NOS1AP: variants seen among roughly 807,000 people sequenced by gnomAD.
NOS1AP encodes the protein carboxyl-terminal PDZ ligand of neuronal nitric oxide synthase protein.
A neutral mutation model predicts 56.2 loss-of-function variants in NOS1AP; 21 were observed. The observed-to-expected ratio is 0.37, with a 90% confidence interval of 0.26 to 0.54. NOS1AP has a LOEUF of 0.54. Among genes scored for constraint, NOS1AP ranks in the 20% least tolerant of loss-of-function variants. NOS1AP has a pLI of 0.84. For synonymous variants in NOS1AP, 270 were observed against 274.6 expected, an observed-to-expected ratio of 0.98 and a Z score of 0.17; for missense variants, 522 against 657.8, an observed-to-expected ratio of 0.79 and a Z score of 2.26.
intron 1 of NOS1AP, among the ~76,000 whole-genome samples, chr1:162,124,085 T>C (rs1029437840): frequency 2.0e-5 from 3 of 152,228 alleles, no homozygotes; most frequent in African/African-American, 7.2e-5. Context: ...TTTAGTCTTC[T>C]TTAATGTGTA....
intron 8 of NOS1AP, among the ~76,000 whole-genome samples, chr1:162,357,528 T>G (rs991461258): frequency 6.6e-6 from 1 of 152,088 alleles, no homozygotes; most frequent in Non-Finnish European, 1.5e-5. Flanking sequence ...GATACCACTC[T>G]TAAAACAGCT....
chr1:162,080,176 A>G (rs538484310), intron 1 of NOS1AP, among the ~76,000 whole-genome samples: 14 of 152,350 alleles, frequency 9.2e-5, no homozygotes, highest in African/African-American at 3.4e-4. Flanking sequence ...CAATTTTTAT[A>G]TTCAGCATCA....
rs999870359 is a variant in NOS1AP, at chr1:162,327,927, A to G, written c.345-5090A>G. Among the ~76,000 whole-genome samples, 4 of 152,220 alleles carry G rather than the reference A, an allele frequency of 2.6e-5. No homozygotes were observed. In the East Asian group the frequency reaches 7.7e-4, roughly 29 times the overall value. On this transcript the variant is annotated intron_variant, in intron 4 of 9. Transcript: ENST00000361897. ...CTTAACATGTGTTGGGCATTGTGTA[A>G]AATGTGGTATGTGTGTTTTAATGCT... is the stretch of plus-strand genomic sequence containing the variant.
chr1:162,325,705 C>G (rs1656568047), intron 4 of NOS1AP, among the ~76,000 whole-genome samples: 1 of 152,016 alleles, frequency 6.6e-6, no homozygotes. Flanking sequence ...TCACATTGTG[C>G]TTCTTACTTT....
chr1:162,254,329 A>G (rs1653958037), intron 2 of NOS1AP, among the ~76,000 whole-genome samples: 1 of 152,222 alleles, frequency 6.6e-6, no homozygotes, highest in South Asian at 2.1e-4. Context: ...GACCAGGAGC[A>G]GTTTAGGAGG....
chr1:162,227,193 T>C (rs1458518592), intron 2 of NOS1AP, among the ~76,000 whole-genome samples: 1 of 152,226 alleles, frequency 6.6e-6, no homozygotes, highest in African/African-American at 2.4e-5. Context: ...TTTCCCCCGC[T>C]GTGCATTGAT....
intron 3 of NOS1AP, among the ~76,000 whole-genome samples, chr1:162,300,266 G>A (rs538325129): frequency 6.6e-5 from 10 of 152,210 alleles, no homozygotes; most frequent in South Asian, 2.1e-4. Flanking sequence ...TGTGTTCACT[G>A]TAAGTTAGGT....
intron 1 of NOS1AP, among the ~76,000 whole-genome samples, chr1:162,122,100 T>C (rs908534288): frequency 6.6e-6 from 1 of 152,336 alleles, no homozygotes; most frequent in South Asian, 2.1e-4. Context: ...GAAGCTCCCA[T>C]TGATTATTAT....
chr1:162,145,675 C>T (rs1347473613), intron 1 of NOS1AP, among the ~76,000 whole-genome samples: 2 of 152,146 alleles, frequency 1.3e-5, no homozygotes, highest in Admixed American at 6.5e-5. Context: ...TGGAAAGCTC[C>T]TTTGGTTCTC....
chr1:162,258,196 T>C (rs1267088546), intron 2 of NOS1AP, among the ~76,000 whole-genome samples: 2 of 152,320 alleles, frequency 1.3e-5, no homozygotes, highest in East Asian at 1.9e-4. Context: ...CTAGTCACCC[T>C]TTCATTTTAT....
intron 2 of NOS1AP, among the ~76,000 whole-genome samples, chr1:162,207,333 A>G (rs1260638891): frequency 6.6e-6 from 1 of 152,218 alleles, no homozygotes; most frequent in Non-Finnish European, 1.5e-5. Flanking sequence ...CCTCCGCTTT[A>G]GACAGCTAGG....
rs796052202 is a variant in NOS1AP at position 162,357,021 on chromosome 1, C to T, written c.824C>T (p.Ser275Phe). 1.2e-6 allele frequency: 2 copies of T among 1,614,020 alleles called. No individual in the cohort carries two copies. The highest frequency in any genetic ancestry group is 4.5e-5 in the East Asian group (2 of 44,882). The change falls in exon 8 of 10, where the codon TCC (serine) becomes TTC (phenylalanine). Residue 275 changes from serine (S) to phenylalanine (F), a missense_variant. Around this residue, in one of 4 missense-constraint regions of NOS1AP, gnomAD observed 178 missense variants for 165.0 expected, o/e 1.08. Transcript: ENST00000361897. ...CCCAGGATGCTGCTCCCTTCTTCTT[C>T]CTCGAAGCCTCCAGGCCTGGGCACA... The part of the protein sequence containing the change: ...ASPRMLLPSS[S>F]SKPPGLGTET...
chr1:162,304,543 G>A (rs181954349), intron 4 of NOS1AP, among the ~76,000 whole-genome samples: 1 of 150,804 alleles, frequency 6.6e-6, no homozygotes, highest in Admixed American at 6.7e-5. Flanking sequence ...GAGGGAATGG[G>A]GAATGCCAAA....
At chr1:162,350,036 A>G (rs552272724) in intron 6 of NOS1AP, among the ~76,000 whole-genome samples, 166 of 152,340 alleles carry the variant, frequency 1.1e-3, no homozygotes, top group Non-Finnish European at 2.0e-3. Flanking sequence ...TGCTTCTCCC[A>G]GAGCATTTTT....
intron 2 of NOS1AP, among the ~76,000 whole-genome samples, chr1:162,245,794 T>C (rs1027644440): frequency 1.3e-5 from 2 of 152,254 alleles, no homozygotes; most frequent in Non-Finnish European, 2.9e-5. Context: ...AGAATGTCTT[T>C]AAGTATTCTC....
chr1:162,101,925 C>A (rs773528917), intron 1 of NOS1AP, among the ~76,000 whole-genome samples: 1 of 152,106 alleles, frequency 6.6e-6, no homozygotes, highest in Non-Finnish European at 1.5e-5. Context: ...ATTCGAATCC[C>A]CTTTATTTCT....
chr1:162,353,049 C>T (rs1481309106), intron 6 of NOS1AP, among the ~76,000 whole-genome samples: 1 of 150,940 alleles, frequency 6.6e-6, no homozygotes, highest in Non-Finnish European at 1.5e-5. Context: ...CCGCCCCCAC[C>T]ACAGACAAGC....
At chr1:162,179,149 G>T (rs748391323) in intron 2 of NOS1AP, among the ~76,000 whole-genome samples, 1 of 151,958 alleles carries the variant, frequency 6.6e-6, no homozygotes, top group Non-Finnish European at 1.5e-5. Context: ...TAGTTACTGG[G>T]TATTTATTTT....
At chr1:162,306,672 C>T (rs1272549994) in intron 4 of NOS1AP, among the ~76,000 whole-genome samples, 1 of 152,214 alleles carries the variant, frequency 6.6e-6, no homozygotes, top group Admixed American at 6.5e-5. Context: ...CTTGGTGGCT[C>T]ACACCTATAA....
Sources: gnomAD v4.1 joint callset for allele counts (sites outside exome capture counted in the v4.1 genomes callset) on GRCh38, gnomAD v4.1.1 for gene constraint, gnomAD v4.1.1 regional missense constraint, MANE v1.5 for transcripts, NCBI Gene and HGNC (gene_info 2026-07-23, HGNC 2026-07-21) for gene names.